The following EI24 variants were observed in gnomAD, a reference collection of about 807,000 sequenced individuals.
EI24 encodes the protein etoposide-induced protein 2.4 homolog.
A neutral mutation model predicts 48.6 loss-of-function variants in EI24; 21 were observed. The ratio of observed to expected loss-of-function variants is 0.43; its 90% CI spans 0.31 to 0.62. The LOEUF (loss-of-function observed/expected upper bound fraction) is 0.62, where lower values mean the gene tolerates loss of function less well. Ranked by LOEUF, EI24 falls within the 20% of genes least tolerant of loss-of-function variation. The probability of loss-of-function intolerance (pLI) is 0.10; values close to 1 mark genes in which losing one functional copy is unlikely to be tolerated. For synonymous variants in EI24, 114 were observed against 145.5 expected (o/e 0.78, Z 1.56); for missense variants, 280 against 410.5 (o/e 0.68, Z 2.75).
chr11:125,572,922 A>C (rs983906709), intron 2 of EI24, among the ~76,000 whole-genome samples: 5 of 150,722 alleles, frequency 3.3e-5, no homozygotes, highest in African/African-American at 1.2e-4. Context: ...TATGTCCTTC[A>C]TCAGCTTCCC....
At position 125,577,424 on chromosome 11, in the gene EI24, T is replaced by A. The variant is rs1591357335; in HGVS notation, c.250-80T>A. On this transcript the variant is annotated intron_variant, in intron 4 of 10. Coordinates refer to ENST00000278903, the MANE Select transcript of EI24 (RefSeq NM_004879.5). ...GATTTATAAAAGTCACTCCCATCTA[T>A]AAAATCATTACACTAAAAATTGAAG... 6 of 1,396,668 alleles carry A rather than the reference T, an allele frequency of 4.3e-6. No individual in the cohort carries two copies. The East Asian group carries it at 1.4e-4, about 32-fold the overall frequency. 86.5% of individuals were successfully genotyped at this position (1,396,668 alleles called of 1,614,324 possible).
chr11:125,582,434 A>G lies in EI24; in HGVS notation c.860+14A>G, dbSNP rs200148421. ...TGGCAAAGCATAGTAAGTATTAGCC[A>G]GTGATGAAATTTTTGCTGTGTAAAG... On this transcript the variant is annotated intron_variant, in intron 10 of 10. Transcript: ENST00000278903. The G allele has an allele frequency of 1.9e-6, 3 of 1,577,682 alleles. No individual in the cohort carries two copies. Among genetic ancestry groups the G allele is most frequent in the African/African-American group, 1.4e-5 (1 of 73,350 alleles).
intron 1 of EI24, chr11:125,570,351 C>G (rs1280022914): frequency 6.6e-6 from 1 of 152,224 alleles, no homozygotes; most frequent in Non-Finnish European, 1.5e-5. Context: ...CCCCCTGTGT[C>G]ATTCAGTCTG....
intron 4 of EI24, among the ~76,000 whole-genome samples, chr11:125,576,731 G>C (rs541424608): frequency 6.6e-6 from 1 of 152,314 alleles, no homozygotes; most frequent in African/African-American, 2.4e-5. Context: ...ACCTATAGCA[G>C]AAAAGATTGC....
chr11:125,575,866 G>A, intron 3 of EI24: 1 of 394,448 alleles, frequency 2.5e-6, no homozygotes, highest in East Asian at 7.9e-5. Flanking sequence ...TCAGCTTACT[G>A]CAGCCTCTGC....
chr11:125,579,970 CG>C, intron 7 of EI24, 122 bp from the exon 8 acceptor site: 1 of 782,106 alleles, frequency 1.3e-6, no homozygotes, highest in East Asian at 2.5e-5. Flanking sequence ...ACCCTGCACT[CG>C]GCCTTTTAGA....
intron 4 of EI24, among the ~76,000 whole-genome samples, chr11:125,577,121 T>C (rs879345205): frequency 6.6e-6 from 1 of 152,222 alleles, no homozygotes; most frequent in Admixed American, 6.5e-5. Flanking sequence ...AGATGGAGGC[T>C]CGCTCTGTTG....
In EI24 at chr11:125,584,572, C is replaced by G. The variant is rs547422632; in HGVS notation, c.*889C>G. ...AACTGAAGGGGTCAATGTATTAAAC[C>G]TGTGATTGGTTGTTTTCCTGTCATT... On this transcript the variant is annotated 3_prime_UTR_variant, in exon 11 of 11. Coordinates refer to ENST00000278903, the MANE Select transcript of EI24 (RefSeq NM_004879.5). 1.3e-5 allele frequency: 2 copies of G among 152,716 alleles called. No homozygotes were observed. Among genetic ancestry groups the G allele is most frequent in the South Asian group, 4.1e-4 (2 of 4,832 alleles). The allele number at this position is 152,716 out of a possible 1,614,324, so 9.5% of individuals were successfully genotyped here. A position where few individuals can be genotyped will look rare whatever the true frequency, so the allele number is the denominator to read the frequency against.
intron 6 of EI24, 76 bp from the exon 7 acceptor site, chr11:125,578,873 G>T: frequency 1.3e-6 from 2 of 1,485,886 alleles, no homozygotes; most frequent in Middle Eastern, 2.3e-4. Flanking sequence ...CTCTAGTGGC[G>T]GACTAGTGGC....
At chr11:125,575,842 G>A in intron 3 of EI24, 1 of 339,614 alleles carries the variant, frequency 2.9e-6, no homozygotes. Flanking sequence ...ACCTGAGATT[G>A]CCGTGGTGCA....
chr11:125,580,248 G>T, intron 8 of EI24, 44 bp downstream of exon 8: 5 of 1,377,890 alleles, frequency 3.6e-6, no homozygotes, highest in Non-Finnish European at 5.2e-6. Flanking sequence ...GCCCAGTTTG[G>T]AAATGCTACT....
rs1051274719 is a variant in EI24, at chr11:125,581,229, G to A, written c.692G>A (p.Arg231Gln). Residue 231 changes from arginine to glutamine, a missense_variant, in exon 9 of 11, where the codon CGG (arginine) becomes CAG (glutamine). By Grantham distance (43) the Arg-to-Gln change is conservative. Transcript: ENST00000278903. ...WFNKGIEMHQ[R>Q]LSNIERNWPY... ...GTTTTAGGAATTGAAATGCACCAGC[G>A]GTTGTCTAACATAGAAAGGAATTGG... The A allele has an allele frequency of 2.5e-6, 4 of 1,611,108 alleles. No homozygotes were observed. The highest frequency in any genetic ancestry group is 1.1e-5 in the South Asian group (1 of 90,964).
Sources: gnomAD v4.1 joint callset for allele counts (sites outside exome capture counted in the v4.1 genomes callset) on GRCh38, gnomAD v4.1.1 for gene constraint, MANE v1.5 for transcripts, NCBI Gene and HGNC (gene_info 2026-07-23, HGNC 2026-07-21) for gene names.